SNTB2: variants seen among roughly 807,000 people sequenced by gnomAD.
The protein encoded by SNTB2 is syntrophin beta 2.
In SNTB2, 34 loss-of-function variants were observed where a neutral mutation model predicts 46.2. The ratio of observed to expected loss-of-function variants is 0.74; its 90% confidence interval spans 0.56 to 0.98. The LOEUF (loss-of-function observed/expected upper bound fraction) is 0.98, where lower values mean the gene tolerates loss of function less well. Among genes scored for constraint, SNTB2 ranks in the 50% least tolerant of loss-of-function variants. The probability of loss-of-function intolerance (pLI) is 0.00; values close to 1 mark genes in which losing one functional copy is unlikely to be tolerated. For synonymous variants in SNTB2, 290 were observed against 312.6 expected (o/e 0.93, Z 0.76); for missense variants, 603 against 731.4 (o/e 0.82, Z 2.02).
chr16:69,211,928 C>A (rs187753343), intron 1 of SNTB2, among the ~76,000 whole-genome samples: 1 of 152,246 alleles, frequency 6.6e-6, no homozygotes, highest in East Asian at 1.9e-4. Flanking sequence ...AGGAAAAAGT[C>A]TTTTATAGGT....
chr16:69,239,915 G>A (rs1166833400), intron 1 of SNTB2, among the ~76,000 whole-genome samples: 1 of 152,034 alleles, frequency 6.6e-6, no homozygotes. Context: ...TTTGAGACTG[G>A]TATAATGCCT....
At chr16:69,212,656 C>T (rs925793653) in intron 1 of SNTB2, among the ~76,000 whole-genome samples, 6 of 140,232 alleles carry the variant, frequency 4.3e-5, no homozygotes, top group Admixed American at 1.4e-4. Context: ...CTTTTTGAGA[C>T]GGAGTTTCAC....
chr16:69,298,323 G>A (rs557312994), intron 5 of SNTB2, among the ~76,000 whole-genome samples: 11 of 152,146 alleles, frequency 7.2e-5, no homozygotes, highest in African/African-American at 2.4e-4. Context: ...CTTTGATAGC[G>A]TTGACTGTGA....
intron 5 of SNTB2, among the ~76,000 whole-genome samples, chr16:69,291,646 C>T (rs936245305): frequency 6.6e-6 from 1 of 152,086 alleles, no homozygotes; most frequent in African/African-American, 2.4e-5. Flanking sequence ...GAGTTTGAGG[C>T]TGCGGTGAAC....
chr16:69,263,529 A>G (rs1964856453), intron 3 of SNTB2, among the ~76,000 whole-genome samples: 1 of 150,852 alleles, frequency 6.6e-6, no homozygotes, highest in South Asian at 2.1e-4. Context: ...AGCAATTCTC[A>G]TGCCTCAGCC....
intron 4 of SNTB2, among the ~76,000 whole-genome samples, chr16:69,282,263 C>T (rs1280943329): frequency 6.7e-6 from 1 of 149,866 alleles, no homozygotes; most frequent in East Asian, 2.0e-4. Flanking sequence ...GAGTTTAAGA[C>T]CAGCCTGGCT....
chr16:69,231,462 G>C (rs1964505863), intron 1 of SNTB2, among the ~76,000 whole-genome samples: 1 of 152,132 alleles, frequency 6.6e-6, no homozygotes, highest in South Asian at 2.1e-4. Context: ...GGTGGCGCAT[G>C]CCTGTAATCC....
intron 1 of SNTB2, among the ~76,000 whole-genome samples, chr16:69,205,112 C>G (rs74651371): frequency 6.6e-6 from 1 of 151,462 alleles, no homozygotes; most frequent in Non-Finnish European, 1.5e-5. Flanking sequence ...ACTTTGTGTA[C>G]AGTTGCCCTC....
chr16:69,245,901 G>C, intron 2 of SNTB2, 86 bp downstream of exon 2: 1 of 1,325,222 alleles, frequency 7.5e-7, no homozygotes. Context: ...TGTTAACTCA[G>C]TTATACAGAG....
chr16:69,253,090 G>A (rs1447146154), intron 2 of SNTB2, among the ~76,000 whole-genome samples: 1 of 151,170 alleles, frequency 6.6e-6, no homozygotes, highest in Non-Finnish European at 1.5e-5. Flanking sequence ...TAGTAGAGAT[G>A]GGGTTTCACT....
chr16:69,219,390 G>A (rs1964378503), intron 1 of SNTB2, among the ~76,000 whole-genome samples: 2 of 152,190 alleles, frequency 1.3e-5, no homozygotes, highest in South Asian at 4.1e-4. Context: ...TATATCTCTG[G>A]AATATGAGGC....
In SNTB2 at chr16:69,303,854, A is replaced by G. The variant is rs541458903; in HGVS notation, c.*2930A>G. The G allele has an allele frequency of 1.2e-4, 18 of 152,712 alleles. No homozygotes were observed. The highest frequency in any genetic ancestry group is 7.2e-4 in the Admixed American group (11 of 15,302). 9.5% of individuals were successfully genotyped at this position (152,712 alleles called of 1,614,324 possible). On this transcript the variant is annotated 3_prime_UTR_variant, in exon 7 of 7. Transcript: ENST00000336278. ...GAATTTTCGATATTCTACCTTTTTT[A>G]TAGAACCAGCTCACTTTTCATTTCT...
intron 1 of SNTB2, among the ~76,000 whole-genome samples, chr16:69,234,661 G>A (rs1421236634): frequency 6.6e-6 from 1 of 151,162 alleles, no homozygotes; most frequent in African/African-American, 2.4e-5. Context: ...CAAAACCAGA[G>A]TACGGAGATG....
At chr16:69,226,350 C>T (rs1306040998) in intron 1 of SNTB2, among the ~76,000 whole-genome samples, 2 of 150,038 alleles carry the variant, frequency 1.3e-5, no homozygotes, top group Admixed American at 6.7e-5. Context: ...GGATTACAGG[C>T]GTGAGCCACC....
chr16:69,300,424 G>A (rs745421207), intron 6 of SNTB2, among the ~76,000 whole-genome samples: 5 of 151,826 alleles, frequency 3.3e-5, no homozygotes, highest in African/African-American at 9.7e-5. Context: ...CTAATTTTTC[G>A]TATTTTTAGT....
intron 1 of SNTB2, among the ~76,000 whole-genome samples, chr16:69,215,078 G>T (rs1964333357): frequency 6.6e-6 from 1 of 151,942 alleles, no homozygotes; most frequent in Non-Finnish European, 1.5e-5. Flanking sequence ...CCTGACCACA[G>T]ATGATCCACT....
chr16:69,275,291 C>T (rs1454822863), intron 4 of SNTB2, among the ~76,000 whole-genome samples: 1 of 152,124 alleles, frequency 6.6e-6, no homozygotes, highest in Non-Finnish European at 1.5e-5. Context: ...TCTCAAACTC[C>T]TGGGCTCAAA....
intron 4 of SNTB2, among the ~76,000 whole-genome samples, chr16:69,281,179 G>A (rs1376694578): frequency 6.6e-6 from 1 of 151,572 alleles, no homozygotes; most frequent in Non-Finnish European, 1.5e-5. Flanking sequence ...TTCAGGGATT[G>A]TGCTTTTGAT....
intron 2 of SNTB2, among the ~76,000 whole-genome samples, chr16:69,257,597 C>G (rs1964791571): frequency 6.6e-6 from 1 of 152,024 alleles, no homozygotes; most frequent in African/African-American, 2.4e-5. Context: ...AGGCGCCCAC[C>G]ACCACGCCCG....
Sources: allele counts gnomAD v4.1 joint callset (sites outside exome capture counted in the v4.1 genomes callset), GRCh38; gene constraint gnomAD v4.1.1; transcripts MANE v1.5; gene names NCBI Gene and HGNC (gene_info 2026-07-23, HGNC 2026-07-21).